The following PGBD1 variants were observed in gnomAD, a reference collection of about 807,000 sequenced individuals.
The protein encoded by PGBD1 is piggyBac transposable element-derived protein 1.
PGBD1 carries 25 observed loss-of-function variants against 34.7 expected under a neutral mutation model. The ratio of observed to expected loss-of-function variants is 0.72; its 90% CI spans 0.52 to 1.00. PGBD1 has a LOEUF of 1.00. PGBD1 is among the 50% of genes least tolerant of loss of function. The pLI is 0.00. For missense variants in PGBD1, 830 were observed against 959.4 expected (o/e 0.87, Z 1.78); for synonymous variants, 292 against 335.7 (o/e 0.87, Z 1.42).
At chr6:28,295,229 A>T (rs1178319978) in intron 4 of PGBD1, among the ~76,000 whole-genome samples, 1 of 152,246 alleles carries the variant, frequency 6.6e-6, no homozygotes, top group Non-Finnish European at 1.5e-5. Context: ...AAACTTGAAC[A>T]GATAAGTTAC....
In PGBD1 at chr6:28,283,955, C is replaced by A; in HGVS notation, c.142C>A (p.Arg48=). The change falls in exon 2 of 7, where the codon CGG becomes AGG. Residue 48 remains arginine, a synonymous_variant. Transcript: ENST00000682144. ...TCAGGAGATTTGCCGCCTGCGCTTT[C>A]GGCACTTCTGCTACCAGGAGGCTCA... ...HTQEICRLRF[R]HFCYQEAHGP... is the part of the protein sequence containing the mutation. 1 of 1,614,190 alleles carries A rather than the reference C, an allele frequency of 6.2e-7. No individual in the cohort carries two copies.
At chr6:28,285,902 A>G (rs1762273247) in intron 3 of PGBD1, among the ~76,000 whole-genome samples, 195 bp downstream of exon 3, 1 of 152,202 alleles carries the variant, frequency 6.6e-6, no homozygotes, top group African/African-American at 2.4e-5. Flanking sequence ...TATACAATAT[A>G]TTATTATTAC....
chr6:28,281,704 A>C lies in PGBD1; in HGVS notation c.-253A>C. On this transcript the variant is annotated 5_prime_UTR_variant, in exon 1 of 7. Coordinates refer to ENST00000682144, the MANE Select transcript of PGBD1 (RefSeq NM_032507.4). ...TGAGCTCCCTCGGGAGCCTTTCACG[A>C]GGTCAGCTACGTCTTTGTTGTGCGC... The C allele has an allele frequency of 3.2e-6, 1 of 315,936 alleles. No homozygotes were observed. The highest frequency in any genetic ancestry group is 5.7e-6 in the Non-Finnish European group (1 of 174,426). The allele number at this position is 315,936 out of a possible 1,614,324, so 19.6% of individuals were successfully genotyped here. A position where few individuals can be genotyped will look rare whatever the true frequency, so the allele number is the denominator to read the frequency against.
At position 28,302,300 on chromosome 6, in the gene PGBD1, C is replaced by G; in HGVS notation, c.*16C>G. 6.3e-7 allele frequency: 1 copy of G among 1,598,144 alleles called. No individual in the cohort carries two copies. Among genetic ancestry groups the G allele is most frequent in the Non-Finnish European group, 8.5e-7 (1 of 1,170,412 alleles). On this transcript the variant is annotated 3_prime_UTR_variant, in exon 7 of 7. Coordinates refer to ENST00000682144, the MANE Select transcript of PGBD1 (RefSeq NM_032507.4). ...GTCAGATTAGGGTACATAAAATGGA[C>G]ATAGTGCAGACATTAATAAGACATA...
chr6:28,301,669 T>G lies in PGBD1; in HGVS notation c.1815T>G (p.Asn605Lys), dbSNP rs773434590. The G allele has an allele frequency of 1.6e-5, 26 of 1,614,034 alleles. No homozygotes were observed. The African/African-American group carries it at 3.3e-4, about 21-fold the overall frequency. Residue 605 changes from asparagine to lysine, a missense_variant, in exon 7 of 7, where the codon AAT (asparagine) becomes AAG (lysine). Physicochemically the swap from Asn to Lys is moderately conservative, Grantham distance 94 (BLOSUM62 0). Around this residue, in one of 3 missense-constraint regions of PGBD1, gnomAD observed 372 missense variants for 427.9 expected, o/e 0.87. Coordinates refer to ENST00000682144, the MANE Select transcript of PGBD1 (RefSeq NM_032507.4). ...DEDPDLGLGG[N>K]LVMNFADVLL... Reference sequence around the variant, plus strand: ...ATCCTGATCTTGGGTTAGGTGGAAATCTAGTGATGAACTTCGCTGATGTTC... The same window carrying G: ...ATCCTGATCTTGGGTTAGGTGGAAAGCTAGTGATGAACTTCGCTGATGTTC...
Position 28,287,095 on chromosome 6 carries a change from G to T in PGBD1, c.569G>T (p.Gly190Val). ...PQEVSGPVPH[G>V]SAHLQEKNPR... ...CTCTCTGCAGGGCCTGTTCCCCACGGATCAGCTCATCTCCAGGAAAAAAAC... is the reference window on the plus strand; with the variant it reads ...CTCTCTGCAGGGCCTGTTCCCCACGTATCAGCTCATCTCCAGGAAAAAAAC... Residue 190 changes from glycine to valine, a missense_variant, in exon 4 of 7, where the codon GGA becomes GTA. Gly to Val is a moderately radical substitution (Grantham distance 109, BLOSUM62 -3). This residue lies in a region of PGBD1 where 457 missense variants were observed against 515.4 expected (regional missense o/e 0.89). Transcript: ENST00000682144. The T allele has an allele frequency of 6.2e-7, 1 of 1,613,972 alleles. No individual in the cohort carries two copies. Among genetic ancestry groups the T allele is most frequent in the Non-Finnish European group, 8.5e-7 (1 of 1,179,886 alleles).
chr6:28,295,609 G>A (rs1762602709), intron 4 of PGBD1, among the ~76,000 whole-genome samples: 1 of 152,120 alleles, frequency 6.6e-6, no homozygotes, highest in South Asian at 2.1e-4. Flanking sequence ...ACTCTCTGAA[G>A]GCTCAGATGA....
In PGBD1 at chr6:28,287,093, C is replaced by CG. The variant is rs775713999; in HGVS notation, c.569dup (p.Ser191IlefsTer19). 1.9e-6 allele frequency: 3 copies of CG among 1,613,714 alleles called. No individual in the cohort carries two copies. The Admixed American group carries it at 5.0e-5, about 27-fold the overall frequency. On this transcript the variant is annotated frameshift_variant, in exon 4 of 7. Coordinates refer to ENST00000682144, the MANE Select transcript of PGBD1 (RefSeq NM_032507.4). LOFTEE classifies it high-confidence loss of function. ...CTCTCTCTGCAGGGCCTGTTCCCCA[C>CG]GGATCAGCTCATCTCCAGGAAAAAA... is the stretch of plus-strand genomic sequence containing the variant.
At chr6:28,287,325 G>A (rs144647272) in intron 4 of PGBD1, among the ~76,000 whole-genome samples, 157 bp downstream of exon 4, 53 of 152,310 alleles carry the variant, frequency 3.5e-4, no homozygotes, top group Middle Eastern at 3.4e-3. Context: ...ATCACAAAGT[G>A]TGTTGCATCA....
chr6:28,297,584 C>T (rs1380563529), intron 5 of PGBD1, among the ~76,000 whole-genome samples: 1 of 151,940 alleles, frequency 6.6e-6, no homozygotes, highest in Non-Finnish European at 1.5e-5. Context: ...AACTCCTGGC[C>T]TGAAGCAGTC....
At position 28,283,996 on chromosome 6, in the gene PGBD1, T is replaced by C. The variant is rs149402191; in HGVS notation, c.183T>C (p.Ala61=). ...CYQEAHGPQE[A]LAQLRELCHQ... is the part of the protein sequence containing the mutation. ...AGGAGGCTCACGGACCCCAGGAAGCTCTGGCCCAACTCCGAGAACTTTGTC... is the reference window on the plus strand; with the variant it reads ...AGGAGGCTCACGGACCCCAGGAAGCCCTGGCCCAACTCCGAGAACTTTGTC... Residue 61 remains alanine, a synonymous_variant, in exon 2 of 7, where the codon GCT becomes GCC. Coordinates refer to ENST00000682144, the MANE Select transcript of PGBD1 (RefSeq NM_032507.4). 4,423 of 1,614,156 alleles carry C rather than the reference T, an allele frequency of 2.7e-3. 10 individuals carry two copies. The highest frequency in any genetic ancestry group is 3.4e-3 in the Non-Finnish European group (4,045 of 1,180,008).
chr6:28,300,848 G>C lies in PGBD1; in HGVS notation c.994G>C (p.Glu332Gln), dbSNP rs1348885994. The stretch of plus-strand genomic sequence containing the variant: ...GGCCCGCATGCACATCTCATCCCTG[G>C]AATATGCTGCAGGAGACATTACCCG... ...LWARMHISSL[E>Q]YAAGDITRKG... The change falls in exon 7 of 7, where the codon GAA (glutamate) becomes CAA (glutamine). Residue 332 changes from glutamate (E) to glutamine (Q), a missense_variant. Glu to Gln is a conservative substitution (Grantham distance 29). Coordinates refer to ENST00000682144, the MANE Select transcript of PGBD1 (RefSeq NM_032507.4). This position sits in a 1 kb window ranked among gnomAD's most constrained non-coding sequence, Gnocchi z 4.0. 2 of 1,614,034 alleles carry C rather than the reference G, an allele frequency of 1.2e-6. No homozygotes were observed. Among genetic ancestry groups the C allele is most frequent in the Admixed American group, 1.7e-5 (1 of 60,006 alleles).
chr6:28,296,684 G>T, intron 4 of PGBD1, 132 bp from the exon 5 acceptor site: 1 of 989,838 alleles, frequency 1.0e-6, no homozygotes, highest in South Asian at 1.6e-5. Context: ...AACCAGAAAG[G>T]TTCCCACAAG....
At chr6:28,296,457 G>C (rs1209535166) in intron 4 of PGBD1, among the ~76,000 whole-genome samples, 2 of 152,002 alleles carry the variant, frequency 1.3e-5, no homozygotes, top group Non-Finnish European at 2.9e-5. Context: ...CTTTTTTTCA[G>C]TATCATCCTA....
intron 6 of PGBD1, among the ~76,000 whole-genome samples, chr6:28,298,752 C>T (rs1367679869): frequency 6.6e-6 from 1 of 152,020 alleles, no homozygotes; most frequent in Non-Finnish European, 1.5e-5. Flanking sequence ...TACTCCTATG[C>T]AAAGCAAGAA....
Position 28,302,489 on chromosome 6 carries a change from G to T in PGBD1, c.*205G>T. On this transcript the variant is annotated 3_prime_UTR_variant, in exon 7 of 7. Transcript: ENST00000682144. ...TTGTCTGTGAGAATGTTGAACTGTA[G>T]TACCTTTCTCTATGTCAAGTTTTGT... The T allele has an allele frequency of 1.9e-6, 1 of 537,464 alleles. No individual in the cohort carries two copies. Among genetic ancestry groups the T allele is most frequent in the South Asian group, 3.4e-5 (1 of 29,744 alleles). 33.3% of individuals were successfully genotyped at this position (537,464 alleles called of 1,614,324 possible). A position where few individuals can be genotyped will look rare whatever the true frequency, so the allele number is the denominator to read the frequency against.
Position 28,281,622 on chromosome 6 carries a change from C to T in PGBD1, c.-335C>T, listed in dbSNP as rs914340368. 1 of 379,858 alleles carries T rather than the reference C, an allele frequency of 2.6e-6. No homozygotes were observed. Among genetic ancestry groups the T allele is most frequent in the African/African-American group, 2.1e-5 (1 of 48,104 alleles). The allele number at this position is 379,858 out of a possible 1,614,324, so 23.5% of individuals were successfully genotyped here. On this transcript the variant is annotated 5_prime_UTR_variant, in exon 1 of 7. Transcript: ENST00000682144. The stretch of plus-strand genomic sequence containing the variant: ...CGGCAGCGCCCGCCAGACCCGCCAG[C>T]CCAGCGGCCCGGGCTCTGGGGAAAC...
At chr6:28,285,203 G>A (rs1461758260) in intron 2 of PGBD1, among the ~76,000 whole-genome samples, 1 of 152,178 alleles carries the variant, frequency 6.6e-6, no homozygotes, top group African/African-American at 2.4e-5. Context: ...TGTGTTCTCA[G>A]TGCGTTACTT....
intron 6 of PGBD1, among the ~76,000 whole-genome samples, chr6:28,299,959 C>G (rs1373107806): frequency 4.0e-5 from 6 of 151,536 alleles, no homozygotes; most frequent in Non-Finnish European, 8.8e-5. Flanking sequence ...TGAAATCATG[C>G]CACTGCACTC....
Sources: gnomAD v4.1 joint callset for allele counts (sites outside exome capture counted in the v4.1 genomes callset) on GRCh38, gnomAD v4.1.1 for gene constraint, gnomAD v4.1.1 regional missense constraint, Gnocchi (gnomAD v3.1) non-coding constraint, MANE v1.5 for transcripts, NCBI Gene and HGNC (gene_info 2026-07-23, HGNC 2026-07-21) for gene names.